The following CDK12 variants were observed in gnomAD, a reference collection of about 807,000 sequenced individuals.
The protein encoded by CDK12 is cyclin-dependent kinase 12.
In CDK12, 17 loss-of-function variants were observed where a neutral mutation model predicts 133.8. The ratio of observed to expected loss-of-function variants is 0.13; its 90% confidence interval spans 0.09 to 0.19. The LOEUF is 0.19. Ranked by LOEUF, CDK12 falls within the 10% of genes least tolerant of loss-of-function variation. The pLI is 1.00. For synonymous variants in CDK12, 694 were observed against 683.6 expected (o/e 1.02, Z -0.24); for missense variants, 1,508 against 1,818.7 (o/e 0.83, Z 3.11).
chr17:39,524,025 G>C (rs2054341580), intron 11 of CDK12, among the ~76,000 whole-genome samples: 1 of 152,110 alleles, frequency 6.6e-6, no homozygotes, highest in African/African-American at 2.4e-5. Flanking sequence ...CTGAAATTTG[G>C]GAACTCCTAT....
rs1567736054 is a variant in CDK12, at chr17:39,498,871, T to TTCTTTTTCTTTC, written c.2420-2376_2420-2375insTTTTCTTTCTCT. ...TCTCTCAATTTTTAATACTATGATTTTCTCTTTCTTTCTTTCTTTCTTTCT... is the reference window on the plus strand; with the variant it reads ...TCTCTCAATTTTTAATACTATGATTTTCTTTTTCTTTCTCTCTTTCTTTCTTTCTTTCTTTCT... On this transcript the variant is annotated intron_variant, in intron 5 of 13. Coordinates refer to ENST00000447079, the MANE Select transcript of CDK12 (RefSeq NM_016507.4). Among the ~76,000 whole-genome samples, 7 of 2,992 alleles carry TTCTTTTTCTTTC rather than the reference T, an allele frequency of 2.3e-3. 2 individuals are homozygous for TTCTTTTTCTTTC. The East Asian group carries it at 0.31, about 134-fold the overall frequency. 2.0% of individuals were successfully genotyped at this position (2,992 alleles called of 152,430 possible). A position where few individuals can be genotyped will look rare whatever the true frequency, so the allele number is the denominator to read the frequency against.
Position 39,463,352 on chromosome 17 carries a change from G to T in CDK12, c.1046+235G>T, listed in dbSNP as rs543331480. Among the ~76,000 whole-genome samples, 6 of 152,332 alleles carry T rather than the reference G, an allele frequency of 3.9e-5. No individual in the cohort carries two copies. The East Asian group carries it at 1.2e-3, about 29-fold the overall frequency. ...GGTACTTCCAGTGGTGGGGTCTTCA[G>T]TTGTAAGCTTCTGAGTGAGAAACGT... On this transcript the variant is annotated intron_variant, in intron 1 of 13. Coordinates refer to ENST00000447079, the MANE Select transcript of CDK12 (RefSeq NM_016507.4).
At chr17:39,543,776 C>T (rs540151843), upstream of CDK12, among the ~76,000 whole-genome samples, 90 of 152,310 alleles carry the variant, frequency 5.9e-4, 2 homozygotes, top group South Asian at 0.013. Flanking sequence ...TCCTTTCTCA[C>T]AGTCAGGATC....
intron 2 of CDK12, among the ~76,000 whole-genome samples, chr17:39,478,925 A>G (rs1009357696): frequency 2.0e-5 from 3 of 152,050 alleles, no homozygotes; most frequent in Admixed American, 1.3e-4. Context: ...GTGTGCTGCT[A>G]TATCCATGTA....
At chr17:39,476,789 C>G (rs35368926) in intron 2 of CDK12, among the ~76,000 whole-genome samples, 1 of 129,318 alleles carries the variant, frequency 7.7e-6, no homozygotes, top group East Asian at 2.5e-4. Context: ...ATGGGGCAAT[C>G]TCAGCTCACG....
intron 6 of CDK12, among the ~76,000 whole-genome samples, chr17:39,503,915 T>G (rs1254196047): frequency 6.6e-6 from 1 of 152,270 alleles, no homozygotes; most frequent in Non-Finnish European, 1.5e-5. Context: ...CAGTCAATCT[T>G]CTGTTTTGGA....
chr17:39,559,638 G>A lies in CDK12; in HGVS notation n.484+3225G>A, dbSNP rs150145241. Among the ~76,000 whole-genome samples, 175 of 152,182 alleles carry A rather than the reference G, an allele frequency of 1.1e-3. 2 individuals carry two copies. In the South Asian group the frequency reaches 0.02, roughly 17 times the overall value. ...AGGATCTTGCTCTGTCACCCAGAAT[G>A]GAGTACAGTGTCTCAATCATAGTTC... On this transcript the variant is annotated intron_variant and non_coding_transcript_variant, in intron 3 of 3. Transcript: ENST00000558240.
At position 39,524,787 on chromosome 17, in the gene CDK12, C is replaced by T. The variant is rs746453511; in HGVS notation, c.3209C>T (p.Thr1070Ile). The T allele has an allele frequency of 6.2e-7, 1 of 1,614,240 alleles. No individual in the cohort carries two copies. The highest frequency in any genetic ancestry group is 1.1e-5 in the South Asian group (1 of 91,082). ...PPPSKTSRKE[T>I]TSGTSTEPVK... Reference sequence around the variant, plus strand: ...CCATCCAAAACTTCTCGAAAAGAAACTACCTCAGGGACAAGTACTGAGCCT... The same window carrying T: ...CCATCCAAAACTTCTCGAAAAGAAATTACCTCAGGGACAAGTACTGAGCCT... The change falls in exon 12 of 14, where the codon ACT becomes ATT. Residue 1070 changes from threonine to isoleucine, a missense_variant. Coordinates refer to ENST00000447079, the MANE Select transcript of CDK12 (RefSeq NM_016507.4).
intron 6 of CDK12, 89 bp from the exon 7 acceptor site, chr17:39,509,616 C>G (rs2053355246): frequency 1.2e-6 from 1 of 832,064 alleles, no homozygotes; most frequent in East Asian, 2.4e-5. Context: ...TTTGTAATTC[C>G]TTTACCCCTA....
chr17:39,488,794 A>G lies in CDK12; in HGVS notation c.1932-1763A>G, dbSNP rs370568111. Among the ~76,000 whole-genome samples the G allele has an allele frequency of 8.0e-4, 122 of 152,174 alleles. 1 individual carries two copies. The highest frequency in any genetic ancestry group is 2.9e-3 in the African/African-American group (119 of 41,518). ...GAGACAGAGCTGCCCTTTGTTGCCC[A>G]GGGTGGAGTGCAATGGCATGGTGAT... is the stretch of plus-strand genomic sequence containing the variant. On this transcript the variant is annotated intron_variant, in intron 2 of 13. Coordinates refer to ENST00000447079, the MANE Select transcript of CDK12 (RefSeq NM_016507.4).
intron 1 of CDK12, chr17:39,550,764 C>T (rs1187143323): frequency 6.6e-6 from 1 of 152,168 alleles, no homozygotes; most frequent in African/African-American, 2.4e-5. Flanking sequence ...TGCGGTGGCT[C>T]ACGCCTATAA....
chr17:39,516,598 C>G (rs1458744138), intron 9 of CDK12, among the ~76,000 whole-genome samples: 1 of 151,792 alleles, frequency 6.6e-6, no homozygotes, highest in African/African-American at 2.4e-5. Flanking sequence ...ACAGTCCTCC[C>G]ACCTTGACCT....
rs965158117 is a variant in CDK12 at position 39,506,276 on chromosome 17, C to T, written c.2610-3429C>T. ...CTGTCACCAGGCTGGAATGTAGTGG[C>T]GCTATCTCGGCTCACTGCAACCTCT... On this transcript the variant is annotated intron_variant, in intron 6 of 13. Transcript: ENST00000447079. 3.7e-5 allele frequency among the ~76,000 whole-genome samples: 5 copies of T among 135,792 alleles called. No individual in the cohort carries two copies. In the East Asian group the frequency reaches 8.5e-4, roughly 23 times the overall value. 89.1% of individuals were successfully genotyped at this position (135,792 alleles called of 152,430 possible).
chr17:39,473,226 G>C (rs1435891875), intron 2 of CDK12, among the ~76,000 whole-genome samples: 1 of 151,658 alleles, frequency 6.6e-6, no homozygotes, highest in African/African-American at 2.4e-5. Context: ...TTTCTCTCCT[G>C]ATCCCAGGGT....
At chr17:39,539,982 G>T (rs4239222) in intron 1 of CDK12, among the ~76,000 whole-genome samples, 102,999 of 152,052 alleles carry the variant, frequency 0.68, 35,959 homozygotes, top group South Asian at 0.89. Flanking sequence ...AGGAATTTGA[G>T]TTGTTAAGCA....
In CDK12 at chr17:39,519,342, G is replaced by C. The variant is rs35929798; in HGVS notation, c.2964-614G>C. Among the ~76,000 whole-genome samples the C allele has an allele frequency of 6.2e-4, 65 of 104,142 alleles. No individual in the cohort carries two copies. In the Admixed American group the frequency reaches 8.6e-3, roughly 14 times the overall value. 68.3% of individuals were successfully genotyped at this position (104,142 alleles called of 152,430 possible). ...TTTTTTTTTGAGACCGTCTCACTCT[G>C]TCACCTAGGCTGGAGGAGTGCAGCA... On this transcript the variant is annotated intron_variant, in intron 10 of 13. Coordinates refer to ENST00000447079, the MANE Select transcript of CDK12 (RefSeq NM_016507.4).
At chr17:39,563,469 C>CCG (rs1567827939) in intron 3 of CDK12, among the ~76,000 whole-genome samples, 3 of 84,294 alleles carry the variant, frequency 3.6e-5, no homozygotes, top group Non-Finnish European at 4.8e-5. Flanking sequence ...TCCCGCCCCC[C>CCG]CCCCGCCCCC....
intron 2 of CDK12, among the ~76,000 whole-genome samples, chr17:39,475,433 A>G (rs1011888507): frequency 6.6e-6 from 1 of 152,122 alleles, no homozygotes; most frequent in African/African-American, 2.4e-5. Flanking sequence ...TGATTGGGCC[A>G]CTGTACGCCA....
At chr17:39,530,384 A>C (rs1376753518) in intron 13 of CDK12, 1 of 535,992 alleles carries the variant, frequency 1.9e-6, no homozygotes, top group African/African-American at 1.9e-5. Flanking sequence ...CATTTGAAAC[A>C]TATGATATTT....
Sources: gnomAD v4.1 joint callset for allele counts (sites outside exome capture counted in the v4.1 genomes callset) on GRCh38, gnomAD v4.1.1 for gene constraint, MANE v1.5 for transcripts, NCBI Gene and HGNC (gene_info 2026-07-23, HGNC 2026-07-21) for gene names.